Variants in SMPD3 observed in about 807,000 individuals in gnomAD.
SMPD3 encodes sphingomyelin phosphodiesterase 3.
SMPD3 carries 21 observed loss-of-function variants against 55.7 expected under a neutral mutation model. That is an observed-to-expected ratio of 0.38 (90% CI 0.27 to 0.54). SMPD3 has a LOEUF of 0.54. SMPD3 is among the 20% of genes least tolerant of loss of function. SMPD3 has a pLI of 0.80. For missense variants in SMPD3, 842 were observed against 899.6 expected (o/e 0.94, Z 0.82); for synonymous variants, 457 against 404.3 (o/e 1.13, Z -1.56).
intron 1 of SMPD3, among the ~76,000 whole-genome samples, chr16:68,435,478 G>C (rs1236444501): frequency 1.4e-5 from 1 of 72,028 alleles, no homozygotes; most frequent in African/African-American, 3.3e-5. Flanking sequence ...TAAACACTCT[G>C]GCATTTTTTT....
chr16:68,366,722 C>T (rs1038423935), intron 3 of SMPD3, among the ~76,000 whole-genome samples: 8 of 151,992 alleles, frequency 5.3e-5, no homozygotes, highest in South Asian at 2.1e-4. Flanking sequence ...AAAAATTAGC[C>T]GGGTGTGCTG....
intron 2 of SMPD3, among the ~76,000 whole-genome samples, chr16:68,384,337 C>A (rs944298479): frequency 6.6e-6 from 1 of 152,230 alleles, no homozygotes; most frequent in Non-Finnish European, 1.5e-5. Context: ...CCACCCATGG[C>A]CCCTGGGATA....
chr16:68,363,665 C>G, intron 6 of SMPD3, 106 bp from the exon 7 acceptor site: 1 of 1,447,156 alleles, frequency 6.9e-7, no homozygotes, highest in Non-Finnish European at 9.5e-7. Context: ...CCAGGGGCAG[C>G]TGAATGGGGC....
intron 1 of SMPD3, among the ~76,000 whole-genome samples, chr16:68,439,031 G>A (rs1039572240): frequency 6.6e-6 from 1 of 152,166 alleles, no homozygotes; most frequent in African/African-American, 2.4e-5. Context: ...CACAATGCCT[G>A]ACCCACTGTA....
chr16:68,386,261 T>C (rs536222227), intron 2 of SMPD3, among the ~76,000 whole-genome samples: 4 of 152,124 alleles, frequency 2.6e-5, no homozygotes, highest in Admixed American at 1.3e-4. Context: ...CAGTGGTATC[T>C]GGTTACATTT....
intron 1 of SMPD3, among the ~76,000 whole-genome samples, chr16:68,389,951 A>T (rs1252604097): frequency 6.6e-6 from 1 of 152,190 alleles, no homozygotes; most frequent in East Asian, 1.9e-4. Context: ...AAGAAACAGA[A>T]GGATGGCTAC....
chr16:68,372,829 C>T (rs1254929029), intron 2 of SMPD3, among the ~76,000 whole-genome samples: 1 of 152,174 alleles, frequency 6.6e-6, no homozygotes, highest in Non-Finnish European at 1.5e-5. Flanking sequence ...AGAGGAGCCA[C>T]AAACATGGCC....
chr16:68,425,554 C>G (rs2090429743), intron 1 of SMPD3, among the ~76,000 whole-genome samples: 1 of 151,956 alleles, frequency 6.6e-6, no homozygotes, highest in African/African-American at 2.4e-5. Flanking sequence ...GGGGCGGGCC[C>G]TAAGGAGCCA....
In SMPD3 at chr16:68,404,183, ATT is replaced by A. The variant is rs549273411; in HGVS notation, c.-268-17526_-268-17525del. Among the ~76,000 whole-genome samples, 37 of 134,938 alleles carry A rather than the reference ATT, an allele frequency of 2.7e-4. No homozygotes were observed. Among genetic ancestry groups the A allele is most frequent in the African/African-American group, 4.6e-4 (17 of 36,650 alleles). The allele number at this position is 134,938 out of a possible 152,430, so 88.5% of individuals were successfully genotyped here. A position where few individuals can be genotyped will look rare whatever the true frequency, so the allele number is the denominator to read the frequency against. On this transcript the variant is annotated intron_variant, in intron 1 of 8. Coordinates refer to ENST00000219334, the MANE Select transcript of SMPD3 (RefSeq NM_018667.4). This position sits in a 1 kb window ranked among gnomAD's most constrained non-coding sequence, Gnocchi z 4.0. ...CAGTGCACACCACCACGCCCAGCTA[ATT>A]TTTTTTTTTTTTTTTTGAGATGGAG... is the stretch of plus-strand genomic sequence containing the variant.
At position 68,360,027 on chromosome 16, in the gene SMPD3, C is replaced by T. The variant is rs7188235; in HGVS notation, c.*1179G>A. ...CTGGTGAGGGCCAGGCTGCTCTCTG[C>T]ACCTTGGCTTCCTGCCTCCTAGGCC... On this transcript the variant is annotated 3_prime_UTR_variant, in exon 9 of 9. Transcript: ENST00000219334. 85,594 of 153,026 alleles carry T rather than the reference C, an allele frequency of 0.56. 24,346 individuals carry two copies. The highest frequency in any genetic ancestry group is 0.78 in the East Asian group (4,151 of 5,292). The allele number at this position is 153,026 out of a possible 1,614,324, so 9.5% of individuals were successfully genotyped here.
intron 1 of SMPD3, among the ~76,000 whole-genome samples, chr16:68,394,001 C>G (rs2090134437): frequency 6.6e-6 from 1 of 152,188 alleles, no homozygotes; most frequent in Admixed American, 6.5e-5. Flanking sequence ...TTCAGAAGAA[C>G]ATATCTCCCT....
chr16:68,371,016 A>G lies in SMPD3; in HGVS notation c.1166T>C (p.Val389Ala), dbSNP rs752137334. The G allele has an allele frequency of 6.2e-7, 1 of 1,614,156 alleles. No homozygotes were observed. The highest frequency in any genetic ancestry group is 1.7e-5 in the Admixed American group (1 of 60,030). The change falls in exon 3 of 9, where the codon GTC becomes GCC. Residue 389 changes from valine (V) to alanine (A), a missense_variant. Around this residue, in one of 2 missense-constraint regions of SMPD3, gnomAD observed 649 missense variants for 643.6 expected, o/e 1.01. Transcript: ENST00000219334. ...GCAGCCCTGGCAGCCGTAGACCCCG[A>G]CGTCGTACAGGATGTACTCGAAGTA... Reference protein sequence around the residue: ...HGYFEYILYDVGVYGCQGCCS... With the variant: ...HGYFEYILYDAGVYGCQGCCS...
At chr16:68,421,148 C>A (rs960346341) in intron 1 of SMPD3, among the ~76,000 whole-genome samples, 1 of 152,188 alleles carries the variant, frequency 6.6e-6, no homozygotes, top group African/African-American at 2.4e-5. Flanking sequence ...CCAGAGACCA[C>A]CAGCATGTCG....
intron 1 of SMPD3, among the ~76,000 whole-genome samples, chr16:68,435,264 A>G (rs1402181218): frequency 6.6e-6 from 1 of 152,190 alleles, no homozygotes; most frequent in African/African-American, 2.4e-5. Context: ...AAGGTGGGTC[A>G]GGGCCTATTG....
intron 1 of SMPD3, among the ~76,000 whole-genome samples, chr16:68,399,319 G>A (rs1339169238): frequency 2.0e-5 from 3 of 152,204 alleles, no homozygotes; most frequent in African/African-American, 7.2e-5. Context: ...TGAAGGTCAG[G>A]AGGTGAGAAG....
At chr16:68,363,677 C>T in intron 6 of SMPD3, 100 bp downstream of exon 6, 1 of 1,454,628 alleles carries the variant, frequency 6.9e-7, no homozygotes, top group African/African-American at 1.4e-5. Context: ...GAATGGGGCC[C>T]TTCCCCAGCA....
At position 68,371,933 on chromosome 16, in the gene SMPD3, G is replaced by C; in HGVS notation, c.249C>G (p.Leu83=). Reference sequence around the variant, plus strand: ...GGGCCGACTGCAGTGGGGACCAGAAGAGAAAGCCGAGAAACGCAAAGGGCA... The same window carrying C: ...GGGCCGACTGCAGTGGGGACCAGAACAGAAAGCCGAGAAACGCAAAGGGCA... ...ASLPFAFLGF[L]FWSPLQSARR... is the part of the protein sequence containing the mutation. The change falls in exon 3 of 9, where the codon CTC becomes CTG. Residue 83 remains leucine (L), a synonymous_variant. Coordinates refer to ENST00000219334, the MANE Select transcript of SMPD3 (RefSeq NM_018667.4). 6.2e-7 allele frequency: 1 copy of C among 1,611,756 alleles called. No homozygotes were observed. The highest frequency in any genetic ancestry group is 8.5e-7 in the Non-Finnish European group (1 of 1,179,632).
intron 1 of SMPD3, among the ~76,000 whole-genome samples, chr16:68,432,221 CA>C (rs2090486218): frequency 6.6e-6 from 1 of 152,176 alleles, no homozygotes; most frequent in Non-Finnish European, 1.5e-5. Context: ...TTGCAAATTA[CA>C]AAAGTTACGT....
intron 5 of SMPD3, chr16:68,364,360 C>G (rs1446616354): frequency 4.3e-6 from 1 of 234,406 alleles, no homozygotes; most frequent in East Asian, 1.1e-4. Flanking sequence ...CACCACACCA[C>G]GTGGAGACAT....
Sources: allele counts gnomAD v4.1 joint callset (sites outside exome capture counted in the v4.1 genomes callset), GRCh38; gene constraint gnomAD v4.1.1; regional missense constraint gnomAD v4.1.1; non-coding constraint Gnocchi (gnomAD v3.1); transcripts MANE v1.5; gene names NCBI Gene and HGNC (gene_info 2026-07-23, HGNC 2026-07-21).